The following MYO3A variants were observed in gnomAD, a reference collection of about 807,000 sequenced individuals.
MYO3A encodes the protein myosin IIIA.
A neutral mutation model predicts 192.7 loss-of-function variants in MYO3A; 180 were observed. That is an observed-to-expected ratio of 0.93 (90% CI 0.83 to 1.06). The LOEUF (loss-of-function observed/expected upper bound fraction) is 1.06, where lower values mean the gene tolerates loss of function less well. MYO3A is among the 50% of genes least tolerant of loss of function. The pLI is 0.00. For missense variants in MYO3A, 1,896 were observed against 1,905.0 expected (o/e 1.00, Z 0.09); for synonymous variants, 628 against 645.3 (o/e 0.97, Z 0.41).
At chr10:26,158,213 T>C (rs1050831518) in intron 26 of MYO3A, among the ~76,000 whole-genome samples, 6 of 152,174 alleles carry the variant, frequency 3.9e-5, no homozygotes, top group African/African-American at 1.4e-4. Context: ...TAACATAAAT[T>C]TTTTTAAAAG....
intron 27 of MYO3A, among the ~76,000 whole-genome samples, chr10:26,167,571 T>A (rs1841825753): frequency 6.6e-6 from 1 of 152,246 alleles, no homozygotes; most frequent in Non-Finnish European, 1.5e-5. Flanking sequence ...TAAAGCTATT[T>A]GTATTCTTCC....
At chr10:26,042,268 G>A (rs550327621) in intron 10 of MYO3A, among the ~76,000 whole-genome samples, 50 of 152,000 alleles carry the variant, frequency 3.3e-4, no homozygotes, top group African/African-American at 1.1e-3. Flanking sequence ...TTAACCTTTG[G>A]GAGTTTGATT....
intron 4 of MYO3A, among the ~76,000 whole-genome samples, chr10:25,995,173 A>G (rs1231380810): frequency 6.6e-6 from 1 of 152,056 alleles, no homozygotes; most frequent in African/African-American, 2.4e-5. Flanking sequence ...TGGTCTTTTC[A>G]CATAGTCCCA....
At chr10:26,209,361 T>C (rs529834300) in intron 34 of MYO3A, among the ~76,000 whole-genome samples, 1 of 152,202 alleles carries the variant, frequency 6.6e-6, no homozygotes. Flanking sequence ...TGCATTCAGA[T>C]CCATCTTAAA....
intron 4 of MYO3A, among the ~76,000 whole-genome samples, chr10:25,965,930 G>T (rs945433765): frequency 6.6e-6 from 1 of 151,162 alleles, no homozygotes; most frequent in African/African-American, 2.4e-5. Flanking sequence ...GGAAGGGGTG[G>T]TATAGGTGAT....
chr10:26,154,851 G>A, intron 25 of MYO3A, 28 bp downstream of exon 25: 1 of 1,566,748 alleles, frequency 6.4e-7, no homozygotes, highest in Middle Eastern at 1.7e-4. Context: ...GATGTATTGT[G>A]CTTAGGGGTG....
chr10:26,182,668 A>T (rs763590594), intron 31 of MYO3A, among the ~76,000 whole-genome samples: 3 of 152,228 alleles, frequency 2.0e-5, no homozygotes, highest in African/African-American at 7.2e-5. Context: ...TTTTTAAATA[A>T]ATGAATACCC....
At chr10:26,013,559 A>G (rs1023294043) in intron 6 of MYO3A, among the ~76,000 whole-genome samples, 7 of 152,276 alleles carry the variant, frequency 4.6e-5, no homozygotes, top group African/African-American at 1.2e-4. Flanking sequence ...TAAAACCACA[A>G]TGAGATATAC....
intron 6 of MYO3A, among the ~76,000 whole-genome samples, chr10:26,002,918 T>G (rs555938529): frequency 5.8e-4 from 88 of 152,260 alleles, no homozygotes; most frequent in African/African-American, 2.0e-3. Flanking sequence ...CATATTTTAT[T>G]TGAGTACTTT....
At chr10:26,140,977 G>T (rs1840128378) in intron 20 of MYO3A, among the ~76,000 whole-genome samples, 1 of 152,064 alleles carries the variant, frequency 6.6e-6, no homozygotes, top group African/African-American at 2.4e-5. Flanking sequence ...GCCCAGGCTG[G>T]AGTGCAGTGG....
At chr10:25,973,862 T>C (rs1588685540) in intron 4 of MYO3A, among the ~76,000 whole-genome samples, 2 of 152,178 alleles carry the variant, frequency 1.3e-5, no homozygotes, top group South Asian at 4.1e-4. Context: ...ATTTAATAAA[T>C]GGTGCTGGGA....
chr10:26,195,838 AC>A (rs1160332964), intron 32 of MYO3A, among the ~76,000 whole-genome samples: 4 of 152,228 alleles, frequency 2.6e-5, no homozygotes, highest in Non-Finnish European at 5.9e-5. Context: ...AGAAGCCCAT[AC>A]TTCCCTTTTA....
chr10:26,137,005 A>T (rs1470675278), intron 20 of MYO3A, among the ~76,000 whole-genome samples: 1 of 150,822 alleles, frequency 6.6e-6, no homozygotes, highest in Non-Finnish European at 1.5e-5. Flanking sequence ...GCCACGGAGC[A>T]AGACTCTGTC....
chr10:26,131,867 A>C (rs1238721396), intron 20 of MYO3A, among the ~76,000 whole-genome samples: 1 of 152,228 alleles, frequency 6.6e-6, no homozygotes, highest in Non-Finnish European at 1.5e-5. Flanking sequence ...ATGATCAGCC[A>C]AGAAGTATAG....
chr10:26,170,398 G>C lies in MYO3A; in HGVS notation c.3275-18G>C, dbSNP rs779038562. 3.7e-6 allele frequency: 6 copies of C among 1,612,112 alleles called. No individual in the cohort carries two copies. In the Admixed American group the frequency reaches 1.0e-4, roughly 27 times the overall value. ...ATTTGTTTATAATTAACACTACTAT[G>C]GGCTTTCTGTGTTTCAGCTGCAAGA... On this transcript the variant is annotated intron_variant, in intron 28 of 34. Coordinates refer to ENST00000642920, the MANE Select transcript of MYO3A (RefSeq NM_017433.5).
chr10:26,011,615 T>C (rs76695031), intron 6 of MYO3A, among the ~76,000 whole-genome samples: 1,730 of 152,202 alleles, frequency 0.011, 33 homozygotes, highest in African/African-American at 0.039. Context: ...AAGATTGAAC[T>C]AGTAATTTAA....
chr10:25,986,861 T>G (rs982348580), intron 4 of MYO3A, among the ~76,000 whole-genome samples: 1 of 151,548 alleles, frequency 6.6e-6, no homozygotes, highest in Non-Finnish European at 1.5e-5. Flanking sequence ...AGAAAAAAAA[T>G]CATGAAATTC....
intron 17 of MYO3A, among the ~76,000 whole-genome samples, chr10:26,099,919 G>T (rs927254252): frequency 5.9e-5 from 9 of 152,276 alleles, no homozygotes; most frequent in African/African-American, 1.9e-4. Flanking sequence ...GCTGACGCTG[G>T]CCTCATAAAA....
At chr10:25,948,688 G>A (rs1837016136) in intron 2 of MYO3A, among the ~76,000 whole-genome samples, 1 of 151,982 alleles carries the variant, frequency 6.6e-6, no homozygotes, top group Non-Finnish European at 1.5e-5. Flanking sequence ...CATTCTTAAA[G>A]AATAAACAGC....
Sources: allele counts gnomAD v4.1 joint callset (sites outside exome capture counted in the v4.1 genomes callset), GRCh38; gene constraint gnomAD v4.1.1; transcripts MANE v1.5; gene names NCBI Gene and HGNC (gene_info 2026-07-23, HGNC 2026-07-21).